CYRIB: variants seen among roughly 807,000 people sequenced by gnomAD.
CYRIB encodes CYFIP related Rac1 interactor B.
CYRIB carries 8 observed loss-of-function variants against 44.2 expected under a neutral mutation model. That is an observed-to-expected ratio of 0.18 (90% confidence interval 0.11 to 0.33). The LOEUF (loss-of-function observed/expected upper bound fraction) is 0.33, where lower values mean the gene tolerates loss of function less well. CYRIB is among the 10% of genes least tolerant of loss of function. The probability of loss-of-function intolerance (pLI) is 1.00; values close to 1 mark genes in which losing one functional copy is unlikely to be tolerated. For missense variants in CYRIB, 185 were observed against 382.8 expected (o/e 0.48, Z 4.31); for synonymous variants, 131 against 127.2 (o/e 1.03, Z -0.20).
intron 2 of CYRIB, among the ~76,000 whole-genome samples, chr8:129,965,311 A>C (rs2095429859): frequency 6.6e-6 from 1 of 151,732 alleles, no homozygotes; most frequent in South Asian, 2.1e-4. Flanking sequence ...ATAATCAAGC[A>C]TGAGTATGTG....
intron 2 of CYRIB, chr8:129,948,933 AG>A (rs2094342494): frequency 6.6e-6 from 1 of 152,168 alleles, no homozygotes; most frequent in Non-Finnish European, 1.5e-5. Flanking sequence ...AAATTAGCCG[AG>A]TACAGTGGTG....
At chr8:129,872,748 A>C (rs1479676703) in intron 3 of CYRIB, among the ~76,000 whole-genome samples, 1 of 151,982 alleles carries the variant, frequency 6.6e-6, no homozygotes, top group Non-Finnish European at 1.5e-5. Context: ...ATACTATCAC[A>C]CTGGTCTTTT....
At chr8:129,845,684 C>A (rs972921320) in intron 11 of CYRIB, among the ~76,000 whole-genome samples, 2 of 152,156 alleles carry the variant, frequency 1.3e-5, no homozygotes, top group Non-Finnish European at 2.9e-5. Context: ...ATACAGCCTA[C>A]ATTTTATGTG....
At chr8:129,849,721 T>C (rs939787046) in intron 9 of CYRIB, 8 of 175,232 alleles carry the variant, frequency 4.6e-5, no homozygotes, top group African/African-American at 1.4e-4. Context: ...TCATCACCCA[T>C]GTATTCTGGT....
chr8:129,979,498 T>C (rs1564576119), intron 1 of CYRIB, among the ~76,000 whole-genome samples: 1 of 152,222 alleles, frequency 6.6e-6, no homozygotes. Flanking sequence ...TCTGGAAGGA[T>C]AAGTGAGAAC....
intron 1 of CYRIB, among the ~76,000 whole-genome samples, chr8:129,987,564 T>TTTC: frequency 1.3e-5 from 1 of 74,458 alleles, no homozygotes; most frequent in African/African-American, 7.3e-5. Context: ...GTCTTTTTTT[T>TTTC]TTTCTTTTTT....
At chr8:129,983,787 C>T (rs772269602) in intron 1 of CYRIB, among the ~76,000 whole-genome samples, 4 of 152,208 alleles carry the variant, frequency 2.6e-5, no homozygotes, top group Non-Finnish European at 5.9e-5. Flanking sequence ...CCGGGCTCCG[C>T]GAGGCCTGCA....
intron 1 of CYRIB, among the ~76,000 whole-genome samples, chr8:129,933,848 T>C (rs1354397477): frequency 1.3e-5 from 2 of 151,088 alleles, no homozygotes; most frequent in African/African-American, 2.4e-5. Context: ...CACTCCGGCC[T>C]GGGTGACAGG....
At chr8:129,949,586 G>T (rs753374451) in intron 2 of CYRIB, among the ~76,000 whole-genome samples, 7 of 152,012 alleles carry the variant, frequency 4.6e-5, no homozygotes, top group Non-Finnish European at 7.4e-5. Context: ...ACTACACTAA[G>T]GCTGGGCATG....
At chr8:129,889,175 C>T (rs2064033867) in intron 2 of CYRIB, among the ~76,000 whole-genome samples, 1 of 152,118 alleles carries the variant, frequency 6.6e-6, no homozygotes. Flanking sequence ...TACAACAAAG[C>T]CTAGATGACA....
At chr8:129,975,960 T>C (rs951384189) in intron 1 of CYRIB, among the ~76,000 whole-genome samples, 5 of 152,140 alleles carry the variant, frequency 3.3e-5, no homozygotes, top group African/African-American at 4.8e-5. Flanking sequence ...CAGGCTAAGA[T>C]AACTCATTAG....
chr8:129,936,593 C>T (rs754922964), intron 1 of CYRIB, among the ~76,000 whole-genome samples: 11 of 152,188 alleles, frequency 7.2e-5, no homozygotes, highest in Non-Finnish European at 1.3e-4. Context: ...ATATCAAGTG[C>T]CCATTCTAAG....
chr8:129,925,374 A>G (rs2086909371), intron 1 of CYRIB, among the ~76,000 whole-genome samples: 1 of 152,162 alleles, frequency 6.6e-6, no homozygotes, highest in Non-Finnish European at 1.5e-5. Flanking sequence ...CCTGGGTGAC[A>G]GAGCGAGACT....
At chr8:129,868,218 CTCTTTG>C (rs1470517232) in intron 4 of CYRIB, among the ~76,000 whole-genome samples, 2 of 152,080 alleles carry the variant, frequency 1.3e-5, no homozygotes, top group Non-Finnish European at 2.9e-5. Flanking sequence ...GAAATCTTTT[CTCTTTG>C]TATCATTAAA....
chr8:129,948,522 C>T (rs918175396), intron 2 of CYRIB: 1 of 152,240 alleles, frequency 6.6e-6, no homozygotes, highest in Non-Finnish European at 1.5e-5. Context: ...GCATGTTTAG[C>T]TCTGACAATC....
At chr8:129,851,013 A>C in intron 8 of CYRIB, 99 bp from the exon 11 acceptor site, 2 of 752,118 alleles carry the variant, frequency 2.7e-6, no homozygotes, top group Non-Finnish European at 4.4e-6. Context: ...TAGCAACTTT[A>C]AAACCTGGTT....
Position 129,977,054 on chromosome 8 carries a change from C to G in CYRIB, c.-295-6059G>C, listed in dbSNP as rs563194879. On this transcript the variant is annotated intron_variant, in intron 1 of 14. Transcript: ENST00000401979. ...ACGGGGTTTCACCATGTTGGCCAGG[C>G]TGGTCTGGAACACCTGACCTCAAGT... Among the ~76,000 whole-genome samples, 112 of 152,244 alleles carry G rather than the reference C, an allele frequency of 7.4e-4. 2 individuals carry two copies. Among genetic ancestry groups the G allele is most frequent in the African/African-American group, 2.6e-3 (110 of 41,550 alleles).
chr8:129,925,404 T>C (rs1451799656), intron 1 of CYRIB, among the ~76,000 whole-genome samples: 3 of 151,774 alleles, frequency 2.0e-5, no homozygotes, highest in Non-Finnish European at 4.4e-5. Context: ...AAAATAATAA[T>C]AATAATGATG....
intron 4 of CYRIB, among the ~76,000 whole-genome samples, chr8:129,870,609 GTGACCCTGA>G (rs1278889929): frequency 2.0e-5 from 3 of 152,144 alleles, no homozygotes; most frequent in Non-Finnish European, 4.4e-5. Context: ...GCCCCAAAGA[GTGACCCTGA>G]TGACCTCTGC....
Sources: gnomAD v4.1 joint callset for allele counts (sites outside exome capture counted in the v4.1 genomes callset) on GRCh38, gnomAD v4.1.1 for gene constraint, MANE v1.5 for transcripts, NCBI Gene and HGNC (gene_info 2026-07-23, HGNC 2026-07-21) for gene names.